The following PDZRN3 variants were observed in gnomAD, a reference collection of about 807,000 sequenced individuals.
PDZRN3 encodes PDZ domain containing ring finger 3, also known as E3 ubiquitin-protein ligase PDZRN3.
PDZRN3 carries 38 observed loss-of-function variants against 85.7 expected under a neutral mutation model. The ratio of observed to expected loss-of-function variants is 0.44; its 90% CI spans 0.34 to 0.58. PDZRN3 has a LOEUF of 0.58. PDZRN3 is among the 20% of genes least tolerant of loss of function. PDZRN3 has a pLI of 0.01. For synonymous variants in PDZRN3, 759 were observed against 638.0 expected, an observed-to-expected ratio of 1.19 and a Z score of -2.86; for missense variants, 1,629 against 1,506.4, an observed-to-expected ratio of 1.08 and a Z score of -1.35.
intron 3 of PDZRN3, among the ~76,000 whole-genome samples, chr3:73,581,379 T>C (rs1003338953): frequency 6.6e-6 from 1 of 152,256 alleles, no homozygotes; most frequent in African/African-American, 2.4e-5. Context: ...TGGGTATGTC[T>C]GTGTGTGGGT....
intron 3 of PDZRN3, among the ~76,000 whole-genome samples, chr3:73,525,174 G>C (rs1704492873): frequency 6.6e-6 from 1 of 152,000 alleles, no homozygotes; most frequent in Non-Finnish European, 1.5e-5. Context: ...GTTAAAAGCA[G>C]AGCAAATAAA....
At chr3:73,507,820 G>T (rs1167126280) in intron 3 of PDZRN3, among the ~76,000 whole-genome samples, 1 of 152,060 alleles carries the variant, frequency 6.6e-6, no homozygotes. Flanking sequence ...CTGGCCGGGC[G>T]CAGTGGCTCA....
intron 1 of PDZRN3, among the ~76,000 whole-genome samples, chr3:73,613,974 G>A (rs756575693): frequency 6.6e-6 from 1 of 152,116 alleles, no homozygotes; most frequent in Non-Finnish European, 1.5e-5. Flanking sequence ...TGGGTATCCA[G>A]ACCTTAACAC....
At chr3:73,472,484 G>A (rs1028504326) in intron 3 of PDZRN3, among the ~76,000 whole-genome samples, 28 of 152,166 alleles carry the variant, frequency 1.8e-4, no homozygotes, top group Admixed American at 7.9e-4. Flanking sequence ...AGCTTCTAAT[G>A]ACCTTTCTCT....
At chr3:73,480,589 C>T (rs922141221) in intron 3 of PDZRN3, among the ~76,000 whole-genome samples, 6 of 152,190 alleles carry the variant, frequency 3.9e-5, no homozygotes, top group African/African-American at 1.2e-4. Flanking sequence ...CTCCCCTGGC[C>T]CTCCTGCCTA....
intron 3 of PDZRN3, among the ~76,000 whole-genome samples, chr3:73,539,706 T>A (rs966506116): frequency 2.0e-5 from 3 of 152,096 alleles, no homozygotes; most frequent in African/African-American, 7.2e-5. Context: ...AAAATTCTTA[T>A]GAGAAACAAT....
At chr3:73,476,691 C>G (rs1703457789) in intron 3 of PDZRN3, among the ~76,000 whole-genome samples, 1 of 152,174 alleles carries the variant, frequency 6.6e-6, no homozygotes. Context: ...ATCATTTGCT[C>G]TGGGGGAAGC....
intron 3 of PDZRN3, among the ~76,000 whole-genome samples, chr3:73,555,921 T>C (rs1263944241): frequency 6.6e-6 from 1 of 152,220 alleles, no homozygotes; most frequent in African/African-American, 2.4e-5. Context: ...GTAACTCCAG[T>C]ACTTAATACA....
chr3:73,433,398 C>T (rs1702470384), intron 3 of PDZRN3, among the ~76,000 whole-genome samples: 1 of 152,240 alleles, frequency 6.6e-6, no homozygotes, highest in Non-Finnish European at 1.5e-5. Context: ...CTGCTTGAAA[C>T]ACATTTTATG....
chr3:73,529,348 C>A (rs1704601234), intron 3 of PDZRN3, among the ~76,000 whole-genome samples: 1 of 152,172 alleles, frequency 6.6e-6, no homozygotes, highest in African/African-American at 2.4e-5. Flanking sequence ...CTGTACCAAG[C>A]CAGGGCAAAC....
chr3:73,384,000 C>T lies in PDZRN3; in HGVS notation c.2566G>A (p.Gly856Ser), dbSNP rs1188757386. 1 of 1,590,242 alleles carries T rather than the reference C, an allele frequency of 6.3e-7. No individual in the cohort carries two copies. The highest frequency in any genetic ancestry group is 1.7e-5 in the Admixed American group (1 of 58,010). Residue 856 changes from glycine to serine, a missense_variant, in exon 10 of 10, where the codon GGC (glycine) becomes AGC (serine). By Grantham distance (56) the Gly-to-Ser change is moderately conservative (BLOSUM62 0). Coordinates refer to ENST00000263666, the MANE Select transcript of PDZRN3 (RefSeq NM_015009.3). ...TGATAGGAGGGCAGGTAGGCGCTGC[C>T]CAGCTTCTGGCTGGGCGTGGGGCTC... ...SRSPTPSQKLGSAYLPSYHHS... is the reference protein window; with the variant it reads ...SRSPTPSQKLSSAYLPSYHHS...
intron 3 of PDZRN3, among the ~76,000 whole-genome samples, chr3:73,409,686 G>A (rs1575631282): frequency 6.6e-6 from 1 of 152,118 alleles, no homozygotes; most frequent in East Asian, 1.9e-4. Flanking sequence ...AGAGAGGCTT[G>A]GTTTTCACGG....
intron 3 of PDZRN3, among the ~76,000 whole-genome samples, chr3:73,601,999 T>C (rs1702521981): frequency 6.6e-6 from 1 of 152,196 alleles, no homozygotes; most frequent in Admixed American, 6.5e-5. Flanking sequence ...TGGTAATCAA[T>C]ATGAACAGGG....
rs1421591172 is a variant in PDZRN3, at chr3:73,594,559, A to T, written c.918+7795T>A. The stretch of plus-strand genomic sequence containing the variant: ...AATACTCCTCCCATTCTAGAGATGA[A>T]GACTCAACATTTAGAATCCCAACAC... On this transcript the variant is annotated intron_variant, in intron 3 of 9. Coordinates refer to ENST00000263666, the MANE Select transcript of PDZRN3 (RefSeq NM_015009.3). 3.3e-5 allele frequency among the ~76,000 whole-genome samples: 5 copies of T among 152,196 alleles called. No individual in the cohort carries two copies. The East Asian group carries it at 9.6e-4, about 29-fold the overall frequency.
chr3:73,579,432 A>C (rs1702166902), intron 3 of PDZRN3, among the ~76,000 whole-genome samples: 1 of 152,244 alleles, frequency 6.6e-6, no homozygotes, highest in South Asian at 2.1e-4. Flanking sequence ...AATCATAAAG[A>C]GTAATCAATT....
At chr3:73,505,136 G>A (rs552317680) in intron 3 of PDZRN3, among the ~76,000 whole-genome samples, 60 of 152,288 alleles carry the variant, frequency 3.9e-4, no homozygotes, top group South Asian at 2.1e-3. Context: ...ATGAGATTAC[G>A]AAGCTGAAGG....
chr3:73,406,264 G>T (rs889855350), intron 3 of PDZRN3, among the ~76,000 whole-genome samples: 3 of 152,190 alleles, frequency 2.0e-5, no homozygotes, highest in Admixed American at 1.3e-4. Flanking sequence ...GGACAAGAAA[G>T]AATTCTTTCT....
chr3:73,407,272 C>T (rs1203478688), intron 3 of PDZRN3, among the ~76,000 whole-genome samples: 1 of 152,182 alleles, frequency 6.6e-6, no homozygotes, highest in African/African-American at 2.4e-5. Context: ...CTTTCTTGGA[C>T]TTGTGGCAGC....
chr3:73,433,731 G>C, intron 3 of PDZRN3: 1 of 1,535,972 alleles, frequency 6.5e-7, no homozygotes. Flanking sequence ...TCAAAGGAAG[G>C]CTTCCGTTCT....
Sources: allele counts gnomAD v4.1 joint callset (sites outside exome capture counted in the v4.1 genomes callset), GRCh38; gene constraint gnomAD v4.1.1; transcripts MANE v1.5; gene names NCBI Gene and HGNC (gene_info 2026-07-23, HGNC 2026-07-21).